C10orf67: variants seen among roughly 807,000 people sequenced by gnomAD.
C10orf67 encodes uncharacterized protein C10orf67, mitochondrial.
A neutral mutation model predicts 35.6 loss-of-function variants in C10orf67; 60 were observed. The observed-to-expected ratio is 1.68, with a 90% CI of 1.37 to 2.09. The LOEUF is 2.09. Among genes scored for constraint, C10orf67 ranks in the 30% most tolerant of loss-of-function variants. The pLI is 0.00. For synonymous variants in C10orf67, 167 were observed against 115.8 expected (o/e 1.44, Z -2.84); for missense variants, 474 against 330.2 (o/e 1.44, Z -3.38).
At chr10:23,208,472 A>T (rs1179606024) in intron 15 of C10orf67, among the ~76,000 whole-genome samples, 6 of 152,224 alleles carry the variant, frequency 3.9e-5, no homozygotes, top group Non-Finnish European at 8.8e-5. Flanking sequence ...AAAAATGCAG[A>T]CAGACCTCAG....
intron 10 of C10orf67, among the ~76,000 whole-genome samples, chr10:23,256,124 C>T (rs528695580): frequency 1.3e-5 from 2 of 152,238 alleles, no homozygotes; most frequent in South Asian, 4.2e-4. Flanking sequence ...ACCTCCACCT[C>T]CCAAGTAACT....
In C10orf67 at chr10:23,344,592, G is replaced by A. The variant is rs1479291233; in HGVS notation, c.183C>T (p.Pro61=). 8.2e-6 allele frequency: 13 copies of A among 1,579,290 alleles called. No individual in the cohort carries two copies. The highest frequency in any genetic ancestry group is 1.1e-5 in the Non-Finnish European group (13 of 1,163,634). The change falls in exon 1 of 16, where the codon CCC becomes CCT. Residue 61 remains proline, a synonymous_variant. Transcript: ENST00000636213. The part of the protein sequence containing the change: ...RRKREAREFK[P]PQMRGSTRLN... ...ACCTCGTGGACCCGCGCATTTGCGG[G>A]GGCTTGAATTCCCGAGCTTCTCGCT... is the stretch of plus-strand genomic sequence containing the variant.
At chr10:23,276,722 T>A (rs79465217) in intron 8 of C10orf67, among the ~76,000 whole-genome samples, 254 of 152,278 alleles carry the variant, frequency 1.7e-3, no homozygotes, top group African/African-American at 6.0e-3. Flanking sequence ...ACACTAGATA[T>A]TGCCCATGGT....
At chr10:23,252,412 TTGTC>T (rs1173653701) in intron 10 of C10orf67, among the ~76,000 whole-genome samples, 8 of 152,254 alleles carry the variant, frequency 5.3e-5, no homozygotes, top group Admixed American at 1.3e-4. Flanking sequence ...TTTTAAATTT[TTGTC>T]TGTTCCCTGA....
intron 5 of C10orf67, among the ~76,000 whole-genome samples, chr10:23,292,662 G>T (rs1843754882): frequency 6.6e-6 from 1 of 152,116 alleles, no homozygotes; most frequent in Non-Finnish European, 1.5e-5. Flanking sequence ...TAAATTTTTT[G>T]TAGTACATTA....
chr10:23,267,635 C>A (rs897437757), intron 8 of C10orf67, among the ~76,000 whole-genome samples: 3 of 152,164 alleles, frequency 2.0e-5, no homozygotes, highest in African/African-American at 7.2e-5. Context: ...AGGCCGGGCA[C>A]GGTGGCTCAC....
chr10:23,299,924 G>C (rs1361117275), intron 5 of C10orf67, among the ~76,000 whole-genome samples: 2 of 151,368 alleles, frequency 1.3e-5, no homozygotes, highest in East Asian at 3.9e-4. Flanking sequence ...CTTGCAGTGA[G>C]CCAAGATCGC....
chr10:23,297,121 G>T (rs1218417039), intron 5 of C10orf67, among the ~76,000 whole-genome samples: 3 of 152,120 alleles, frequency 2.0e-5, no homozygotes, highest in African/African-American at 7.2e-5. Context: ...TGCTTTCCTG[G>T]AGGGGATTAC....
Position 23,266,538 on chromosome 10 carries a change from T to C in C10orf67, c.1036-112A>G, listed in dbSNP as rs372232890. 2.0e-5 allele frequency: 8 copies of C among 396,844 alleles called. No individual in the cohort carries two copies. The East Asian group carries it at 2.5e-4, about 12-fold the overall frequency. The allele number at this position is 396,844 out of a possible 1,614,324, so 24.6% of individuals were successfully genotyped here. A position where few individuals can be genotyped will look rare whatever the true frequency, so the allele number is the denominator to read the frequency against. Reference sequence around the variant, plus strand: ...AGCTGGAATTGCAGAACTGAGGTTTTCAGTCCTAGAGCGCATGGATTTGTT... The same window carrying C: ...AGCTGGAATTGCAGAACTGAGGTTTCCAGTCCTAGAGCGCATGGATTTGTT... On this transcript the variant is annotated intron_variant, in intron 9 of 15. Coordinates refer to ENST00000636213, the MANE Select transcript of C10orf67 (RefSeq NM_001371909.1).
intron 7 of C10orf67, among the ~76,000 whole-genome samples, chr10:23,285,085 C>T (rs1386077943): frequency 3.3e-5 from 5 of 152,100 alleles, no homozygotes; most frequent in Admixed American, 3.3e-4. Flanking sequence ...GAACTGCTTC[C>T]CAGTTGACAA....
intron 8 of C10orf67, among the ~76,000 whole-genome samples, chr10:23,276,812 G>A (rs115787274): frequency 9.9e-4 from 151 of 152,228 alleles, no homozygotes; most frequent in African/African-American, 3.5e-3. Context: ...CTCCCTGAGC[G>A]CAGGGGTAAT....
At chr10:23,284,656 A>G (rs957258078) in intron 7 of C10orf67, among the ~76,000 whole-genome samples, 1 of 152,190 alleles carries the variant, frequency 6.6e-6, no homozygotes, top group Non-Finnish European at 1.5e-5. Flanking sequence ...ACTGCACTCC[A>G]TCGCAGGCAA....
chr10:23,306,085 G>T lies in C10orf67; in HGVS notation c.547-2626C>A, dbSNP rs971488423. On this transcript the variant is annotated intron_variant, in intron 4 of 15. Transcript: ENST00000636213. Reference sequence around the variant, plus strand: ...ATAGAATATTTTTCAGCCATAAAAAGAAGGATATCTTGCTATTTGGGACAA... The same window carrying T: ...ATAGAATATTTTTCAGCCATAAAAATAAGGATATCTTGCTATTTGGGACAA... Among the ~76,000 whole-genome samples the T allele has an allele frequency of 4.6e-5, 7 of 152,180 alleles. No individual in the cohort carries two copies. In the South Asian group the frequency reaches 1.5e-3, roughly 32 times the overall value.
rs1204067805 is a variant in C10orf67 at position 23,202,955 on chromosome 10, T to A, written c.*1218A>T. The A allele has an allele frequency of 6.6e-6, 1 of 152,204 alleles. No individual in the cohort carries two copies. Among genetic ancestry groups the A allele is most frequent in the East Asian group, 1.9e-4 (1 of 5,202 alleles). The allele number at this position is 152,204 out of a possible 1,614,324, so 9.4% of individuals were successfully genotyped here. A position where few individuals can be genotyped will look rare whatever the true frequency, so the allele number is the denominator to read the frequency against. On this transcript the variant is annotated 3_prime_UTR_variant, in exon 16 of 16. Coordinates refer to ENST00000636213, the MANE Select transcript of C10orf67 (RefSeq NM_001371909.1). ...TTCTGGGAAAGATTCCAGACCTGACTCCGATTAACCCTCTCTGGTGAAACT... is the reference window on the plus strand; with the variant it reads ...TTCTGGGAAAGATTCCAGACCTGACACCGATTAACCCTCTCTGGTGAAACT...
intron 7 of C10orf67, among the ~76,000 whole-genome samples, chr10:23,287,188 A>G (rs1843568023): frequency 6.6e-6 from 1 of 152,238 alleles, no homozygotes. Flanking sequence ...AGCAAAAAGA[A>G]CAAAGTTGGA....
chr10:23,302,036 G>A (rs1429899509), intron 5 of C10orf67, among the ~76,000 whole-genome samples: 1 of 152,038 alleles, frequency 6.6e-6, no homozygotes, highest in African/African-American at 2.4e-5. Flanking sequence ...GGTGGACGGT[G>A]AGCGAAAGCT....
chr10:23,210,878 T>C (rs1841288481), intron 15 of C10orf67, among the ~76,000 whole-genome samples: 1 of 152,218 alleles, frequency 6.6e-6, no homozygotes. Context: ...CAAGGGAACA[T>C]ATCTCTTTTA....
At chr10:23,252,941 C>T (rs114188109) in intron 10 of C10orf67, among the ~76,000 whole-genome samples, 45 of 152,138 alleles carry the variant, frequency 3.0e-4, no homozygotes, top group African/African-American at 1.0e-3. Context: ...ATCACGGTGG[C>T]GGGTCTTTCC....
chr10:23,294,969 C>T (rs1013670030), intron 5 of C10orf67, among the ~76,000 whole-genome samples: 1 of 152,146 alleles, frequency 6.6e-6, no homozygotes, highest in Non-Finnish European at 1.5e-5. Flanking sequence ...TAAGCTATGA[C>T]CTGCCTTTGT....
Sources: gnomAD v4.1 joint callset for allele counts (sites outside exome capture counted in the v4.1 genomes callset) on GRCh38, gnomAD v4.1.1 for gene constraint, MANE v1.5 for transcripts, NCBI Gene and HGNC (gene_info 2026-07-23, HGNC 2026-07-21) for gene names.